Variants in ATRNL1 observed in about 807,000 individuals in gnomAD.
The protein encoded by ATRNL1 is attractin-like protein 1.
In ATRNL1, 95 loss-of-function variants were observed where a neutral mutation model predicts 182.7. The ratio of observed to expected loss-of-function variants is 0.52; its 90% CI spans 0.44 to 0.62. The LOEUF is 0.62. Among genes scored for constraint, ATRNL1 ranks in the 20% least tolerant of loss-of-function variants. The pLI, the probability that ATRNL1 is intolerant of heterozygous loss-of-function variation, is 0.00. For missense variants in ATRNL1, 1,471 were observed against 1,679.5 expected, an observed-to-expected ratio of 0.88 and a Z score of 2.17; for synonymous variants, 576 against 568.3, an observed-to-expected ratio of 1.01 and a Z score of -0.19.
At chr10:115,534,466 C>T (rs1554989553) in intron 25 of ATRNL1, among the ~76,000 whole-genome samples, 2 of 152,262 alleles carry the variant, frequency 1.3e-5, no homozygotes, top group Admixed American at 6.5e-5. Flanking sequence ...GGCAGATCTT[C>T]CTCCATCCTT....
In ATRNL1 at chr10:115,096,693, G is replaced by C. The variant is rs550990544; in HGVS notation, c.293+2650G>C. ...GTTCTTCAAATGTTTCTTGAGGATA[G>C]AAGATTGATAGTTGGGGGAAGAAAT... On this transcript the variant is annotated intron_variant, in intron 1 of 28. Coordinates refer to ENST00000355044, the MANE Select transcript of ATRNL1 (RefSeq NM_207303.4). The C allele has an allele frequency of 3.9e-6, 5 of 1,288,866 alleles. No homozygotes were observed. In the South Asian group the frequency reaches 6.2e-5, roughly 16 times the overall value. The allele number at this position is 1,288,866 out of a possible 1,614,324, so 79.8% of individuals were successfully genotyped here. A position where few individuals can be genotyped will look rare whatever the true frequency, so the allele number is the denominator to read the frequency against.
chr10:115,598,804 T>G (rs1856427354), intron 26 of ATRNL1, among the ~76,000 whole-genome samples: 1 of 152,158 alleles, frequency 6.6e-6, no homozygotes, highest in Non-Finnish European at 1.5e-5. Flanking sequence ...GATTCCCATA[T>G]TTAATCTGTT....
intron 26 of ATRNL1, among the ~76,000 whole-genome samples, chr10:115,646,941 C>CCCT (rs1555032702): frequency 9.5e-6 from 1 of 105,050 alleles, no homozygotes; most frequent in Admixed American, 1.1e-4. Context: ...TAGCCCTCCC[C>CCCT]CCTCCCCCCC....
At chr10:115,937,127 G>A (rs573479708) in intron 28 of ATRNL1, among the ~76,000 whole-genome samples, 5 of 152,280 alleles carry the variant, frequency 3.3e-5, no homozygotes, top group South Asian at 2.1e-4. Context: ...AGAACAATTC[G>A]TATGAAAGTC....
At chr10:115,463,391 C>T (rs782267115) in intron 22 of ATRNL1, among the ~76,000 whole-genome samples, 1 of 151,820 alleles carries the variant, frequency 6.6e-6, no homozygotes, top group African/African-American at 2.4e-5. Context: ...AAATACAAGC[C>T]GTCCTTCACT....
At chr10:115,411,376 C>T (rs1845133415) in intron 20 of ATRNL1, among the ~76,000 whole-genome samples, 1 of 151,400 alleles carries the variant, frequency 6.6e-6, no homozygotes, top group Non-Finnish European at 1.5e-5. Flanking sequence ...ATGTGTATAA[C>T]AATGTTAGCG....
intron 28 of ATRNL1, among the ~76,000 whole-genome samples, chr10:115,858,735 A>AT (rs577318730): frequency 2.8e-4 from 42 of 151,038 alleles, no homozygotes; most frequent in African/African-American, 9.2e-4. Context: ...GAGGTCCTCC[A>AT]TTTTTTTTTA....
chr10:115,826,443 G>T (rs1032686932), intron 27 of ATRNL1, among the ~76,000 whole-genome samples: 1 of 152,086 alleles, frequency 6.6e-6, no homozygotes, highest in Non-Finnish European at 1.5e-5. Flanking sequence ...CTGCAGCTCG[G>T]TGAGCTGGAG....
intron 3 of ATRNL1, among the ~76,000 whole-genome samples, chr10:115,124,623 A>G (rs1386128758): frequency 6.6e-6 from 1 of 152,156 alleles, no homozygotes; most frequent in East Asian, 1.9e-4. Flanking sequence ...CTAATACCAT[A>G]TGGCCCCAAC....
chr10:115,508,360 G>C (rs1048947690), intron 24 of ATRNL1, among the ~76,000 whole-genome samples: 28 of 151,922 alleles, frequency 1.8e-4, no homozygotes, highest in Admixed American at 3.9e-4. Context: ...TGCTACAATT[G>C]CTTCCCAGTG....
chr10:115,677,663 T>C (rs1945908463), intron 26 of ATRNL1, among the ~76,000 whole-genome samples: 1 of 152,086 alleles, frequency 6.6e-6, no homozygotes. Context: ...TCCCTAGCTA[T>C]ATGGGACTGT....
At chr10:115,943,528 C>T (rs2134630027) in intron 28 of ATRNL1, among the ~76,000 whole-genome samples, 1 of 152,214 alleles carries the variant, frequency 6.6e-6, no homozygotes, top group South Asian at 2.1e-4. Flanking sequence ...ACAACAAATG[C>T]TGGTGAGGTT....
At chr10:115,614,687 C>T (rs1331153751) in intron 26 of ATRNL1, among the ~76,000 whole-genome samples, 2 of 151,946 alleles carry the variant, frequency 1.3e-5, no homozygotes, top group Non-Finnish European at 2.9e-5. Flanking sequence ...TTGCTTTATA[C>T]ATCTGTGTGC....
chr10:115,421,088 A>T (rs621652), intron 20 of ATRNL1, among the ~76,000 whole-genome samples: 107,949 of 151,912 alleles, frequency 0.71, 39,327 homozygotes, highest in Middle Eastern at 0.77. Context: ...AGGACCTGAC[A>T]GCTTCATTGC....
At chr10:115,539,120 T>G (rs1305640397) in intron 25 of ATRNL1, among the ~76,000 whole-genome samples, 2 of 152,238 alleles carry the variant, frequency 1.3e-5, no homozygotes, top group East Asian at 3.9e-4. Flanking sequence ...CATATCCCCA[T>G]TAGTAAGTGA....
intron 28 of ATRNL1, among the ~76,000 whole-genome samples, chr10:115,856,683 A>G (rs1481419276): frequency 6.6e-6 from 1 of 152,000 alleles, no homozygotes; most frequent in African/African-American, 2.4e-5. Context: ...TGCAGCCTAG[A>G]TCCCTCACAT....
At chr10:115,253,564 A>G (rs1554905896) in intron 10 of ATRNL1, among the ~76,000 whole-genome samples, 1 of 152,076 alleles carries the variant, frequency 6.6e-6, no homozygotes, top group South Asian at 2.1e-4. Context: ...TTTTTCACCC[A>G]TTATACATGT....
At chr10:115,771,270 G>A (rs1218689450) in intron 27 of ATRNL1, among the ~76,000 whole-genome samples, 1 of 140,944 alleles carries the variant, frequency 7.1e-6, no homozygotes, top group Admixed American at 7.5e-5. Context: ...TCACTCTTTC[G>A]CCCAGGCCGG....
chr10:115,825,609 A>G (rs1488461134), intron 27 of ATRNL1, among the ~76,000 whole-genome samples: 1 of 151,964 alleles, frequency 6.6e-6, no homozygotes, highest in Non-Finnish European at 1.5e-5. Context: ...ACCCTTTGAG[A>G]TCTGTCCACA....
Sources: allele counts gnomAD v4.1 joint callset (sites outside exome capture counted in the v4.1 genomes callset), GRCh38; gene constraint gnomAD v4.1.1; transcripts MANE v1.5; gene names NCBI Gene and HGNC (gene_info 2026-07-23, HGNC 2026-07-21).